Variants in PDE11A observed in about 807,000 individuals in gnomAD.
PDE11A encodes dual 3',5'-cyclic-AMP and -GMP phosphodiesterase 11A.
PDE11A carries 100 observed loss-of-function variants against 100.5 expected under a neutral mutation model. The ratio of observed to expected loss-of-function variants is 1.00; its 90% CI spans 0.85 to 1.18. The LOEUF is 1.18. PDE11A is among the 50% of genes most tolerant of loss of function. PDE11A has a pLI of 0.00. For synonymous variants in PDE11A, 381 were observed against 420.8 expected (o/e 0.91, Z 1.16); for missense variants, 1,141 against 1,152.6 (o/e 0.99, Z 0.15).
At chr2:177,908,009 T>C (rs1359731540) in intron 2 of PDE11A, among the ~76,000 whole-genome samples, 4 of 152,236 alleles carry the variant, frequency 2.6e-5, no homozygotes, top group Non-Finnish European at 5.9e-5. Flanking sequence ...CTGCATGTAC[T>C]GTATAGTAAA....
intron 16 of PDE11A, chr2:177,677,981 TTTAATG>T (rs2105501264): frequency 6.6e-6 from 1 of 152,316 alleles, no homozygotes; most frequent in South Asian, 2.1e-4. Flanking sequence ...ATGAACAAAT[TTTAATG>T]TTAAAGATAT....
chr2:177,806,642 A>G (rs2082876431), intron 9 of PDE11A, among the ~76,000 whole-genome samples: 1 of 152,228 alleles, frequency 6.6e-6, no homozygotes. Context: ...GCAAAGAAGC[A>G]GAAAAATGTG....
intron 6 of PDE11A, among the ~76,000 whole-genome samples, chr2:177,837,068 T>C (rs1157854916): frequency 6.6e-6 from 1 of 152,214 alleles, no homozygotes. Context: ...AGGGTAAAAG[T>C]TTCTTTTACC....
chr2:177,797,694 C>T (rs2082725078), intron 9 of PDE11A, among the ~76,000 whole-genome samples: 1 of 152,138 alleles, frequency 6.6e-6, no homozygotes, highest in Non-Finnish European at 1.5e-5. Context: ...GAACTCTTAT[C>T]CAGGATCTCA....
At position 177,953,212 on chromosome 2, in the gene PDE11A, A is replaced by G. The variant is rs1387388016; in HGVS notation, c.1072-48025T>C. 7 of 152,314 alleles carry G rather than the reference A, an allele frequency of 4.6e-5. No homozygotes were observed. The East Asian group carries it at 5.8e-4, about 13-fold the overall frequency. The allele number at this position is 152,314 out of a possible 1,614,324, so 9.4% of individuals were successfully genotyped here. On this transcript the variant is annotated intron_variant, in intron 2 of 19. Transcript: ENST00000286063. The stretch of plus-strand genomic sequence containing the variant: ...ATCAGAAACAAACAAACAAATAAAA[A>G]TTCCAAGAATGATGCTGAAGCACAT...
chr2:178,075,003 G>C (rs1193617308), upstream of PDE11A, among the ~76,000 whole-genome samples: 4 of 152,132 alleles, frequency 2.6e-5, no homozygotes, highest in African/African-American at 9.7e-5. Context: ...AATGGTATGT[G>C]TATTAGTCAT....
At chr2:177,749,193 T>TTTTGTTTGTTTG (rs4019842) in intron 10 of PDE11A, among the ~76,000 whole-genome samples, 2,220 of 149,858 alleles carry the variant, frequency 0.015, 32 homozygotes, top group Non-Finnish European at 0.022. Context: ...AATACAGGAG[T>TTTTGTTTGTTTG]TTTGTTTGTT....
intron 10 of PDE11A, among the ~76,000 whole-genome samples, chr2:177,750,275 C>T (rs1478052810): frequency 6.6e-6 from 1 of 152,098 alleles, no homozygotes; most frequent in Non-Finnish European, 1.5e-5. Flanking sequence ...CTCAAAACAG[C>T]AACAAATTTT....
At chr2:177,869,166 C>T (rs76884215) in intron 5 of PDE11A, among the ~76,000 whole-genome samples, 1,653 of 152,336 alleles carry the variant, frequency 0.011, 10 homozygotes, top group Non-Finnish European at 0.017. Context: ...CCCATTTCTG[C>T]ATAACAAATT....
chr2:177,760,616 A>G (rs1279984405), intron 10 of PDE11A, among the ~76,000 whole-genome samples: 1 of 152,192 alleles, frequency 6.6e-6, no homozygotes, highest in Non-Finnish European at 1.5e-5. Flanking sequence ...TTTTTTAGCT[A>G]GAGATGGCTT....
rs1326381033 is a variant in PDE11A at position 177,890,917 on chromosome 2, T to C, written c.1302+7141A>G. 1.3e-5 allele frequency among the ~76,000 whole-genome samples: 2 copies of C among 152,210 alleles called. 1 individual carries two copies. Among genetic ancestry groups the C allele is most frequent in the Admixed American group, 1.3e-4 (2 of 15,282 alleles). On this transcript the variant is annotated intron_variant, in intron 4 of 19. Coordinates refer to ENST00000286063, the MANE Select transcript of PDE11A (RefSeq NM_016953.4). ...TATATGTTGTTTCTCCCCTTTATTA[T>C]TCACCTAAAATTATATCAAAGACAT...
At chr2:177,996,990 C>T (rs1280614437) in intron 2 of PDE11A, among the ~76,000 whole-genome samples, 1 of 152,200 alleles carries the variant, frequency 6.6e-6, no homozygotes, top group African/African-American at 2.4e-5. Context: ...GCAGACGAAG[C>T]ATCCAAACAT....
chr2:177,751,465 C>G (rs1443587374), intron 10 of PDE11A, among the ~76,000 whole-genome samples: 3 of 152,186 alleles, frequency 2.0e-5, no homozygotes, highest in African/African-American at 7.2e-5. Flanking sequence ...TTTATGAAAG[C>G]CTTTCTCCCA....
At chr2:177,859,659 AAT>A (rs1347122364) in intron 5 of PDE11A, among the ~76,000 whole-genome samples, 1 of 151,678 alleles carries the variant, frequency 6.6e-6, no homozygotes, top group Non-Finnish European at 1.5e-5. Flanking sequence ...CTAATGGCAG[AAT>A]ATATATATAT....
chr2:177,951,207 A>G (rs1200724422), intron 2 of PDE11A, among the ~76,000 whole-genome samples: 1 of 152,200 alleles, frequency 6.6e-6, no homozygotes, highest in Non-Finnish European at 1.5e-5. Context: ...GAAGAATGAT[A>G]TTTATAAGGA....
intron 19 of PDE11A, among the ~76,000 whole-genome samples, chr2:177,638,765 C>A (rs2080092772): frequency 6.6e-6 from 1 of 152,104 alleles, no homozygotes; most frequent in African/African-American, 2.4e-5. Flanking sequence ...TGATGCAATA[C>A]CCTTCTGAGA....
intron 10 of PDE11A, among the ~76,000 whole-genome samples, chr2:177,757,343 T>G (rs73030357): frequency 0.012 from 1,890 of 152,300 alleles, 37 homozygotes; most frequent in African/African-American, 0.043. Context: ...ACATCTCTCT[T>G]AGCTGCCTGA....
At chr2:177,740,696 T>C (rs1023437886) in intron 10 of PDE11A, among the ~76,000 whole-genome samples, 2 of 152,242 alleles carry the variant, frequency 1.3e-5, no homozygotes, top group African/African-American at 4.8e-5. Context: ...TTAGATCCAC[T>C]GCAGCACAGC....
chr2:178,005,513 A>G (rs1474771022), intron 2 of PDE11A, among the ~76,000 whole-genome samples: 1 of 152,088 alleles, frequency 6.6e-6, no homozygotes, highest in Admixed American at 6.5e-5. Flanking sequence ...ACTACTTGGA[A>G]TTACATTATA....
Sources: allele counts gnomAD v4.1 joint callset (sites outside exome capture counted in the v4.1 genomes callset), GRCh38; gene constraint gnomAD v4.1.1; transcripts MANE v1.5; gene names NCBI Gene and HGNC (gene_info 2026-07-23, HGNC 2026-07-21).